Variants in FBN2 observed in about 807,000 individuals in gnomAD.
The protein encoded by FBN2 is fibrillin-2.
Under a neutral mutation model 355.6 loss-of-function variants are expected in FBN2, and 105 were observed. The ratio of observed to expected loss-of-function variants is 0.30; its 90% CI spans 0.25 to 0.35. The LOEUF is 0.35. Ranked by LOEUF, FBN2 falls within the 10% of genes least tolerant of loss-of-function variation. The pLI, the probability that FBN2 is intolerant of heterozygous loss-of-function variation, is 1.00. For synonymous variants in FBN2, 1,350 were observed against 1,301.2 expected, an observed-to-expected ratio of 1.04 and a Z score of -0.81; for missense variants, 3,280 against 3,758.7, an observed-to-expected ratio of 0.87 and a Z score of 3.33.
rs568060880 is a variant in FBN2, at chr5:128,536,376, A to G, written c.337+26T>C. On this transcript the variant is annotated intron_variant, in intron 2 of 64. Coordinates refer to ENST00000262464, the MANE Select transcript of FBN2 (RefSeq NM_001999.4). ...AGATAGGGCCGAGTGCGCTGCCCCA[A>G]GCTGCGATCCCTGCCAAGCACTCAC... 5.0e-6 allele frequency: 8 copies of G among 1,597,510 alleles called. No individual in the cohort carries two copies. The East Asian group carries it at 6.7e-5, about 13-fold the overall frequency.
intron 6 of FBN2, among the ~76,000 whole-genome samples, chr5:128,463,770 G>A (rs146602212): frequency 2.0e-5 from 3 of 152,304 alleles, no homozygotes; most frequent in Non-Finnish European, 4.4e-5. Context: ...ATCTTCACTT[G>A]TGACACAGCT....
intron 11 of FBN2, among the ~76,000 whole-genome samples, chr5:128,385,868 C>T (rs1752353947): frequency 6.6e-6 from 1 of 151,938 alleles, no homozygotes; most frequent in South Asian, 2.1e-4. Flanking sequence ...ATGTCCTTTA[C>T]CCATTATTTA....
chr5:128,287,844 A>C (rs1382150763), intron 53 of FBN2, among the ~76,000 whole-genome samples: 1 of 152,146 alleles, frequency 6.6e-6, no homozygotes, highest in Non-Finnish European at 1.5e-5. Context: ...AAGTCTGCTA[A>C]AGAAAGGGAA....
intron 8 of FBN2, among the ~76,000 whole-genome samples, chr5:128,406,521 T>C (rs763339181): frequency 2.0e-5 from 3 of 152,162 alleles, no homozygotes; most frequent in African/African-American, 4.8e-5. Flanking sequence ...TCTGAATTGC[T>C]AGCATCAATA....
At chr5:128,534,762 C>A (rs1486607171) in intron 2 of FBN2, among the ~76,000 whole-genome samples, 1 of 152,208 alleles carries the variant, frequency 6.6e-6, no homozygotes, top group Non-Finnish European at 1.5e-5. Context: ...GAAGGCTCTG[C>A]TCTCTGGAAT....
chr5:128,278,723 G>A lies in FBN2; in HGVS notation c.7257C>T (p.Gly2419=). Residue 2419 remains glycine (G), a synonymous_variant, in exon 57 of 65, where the codon GGC becomes GGT. Transcript: ENST00000262464. ...ECCCDGGRGW[G]HQCELCPLPG... is the part of the protein sequence containing the mutation. ...GAAGTGGGCAAAGCTCGCACTGGTG[G>A]CCCCAGCCTCGCCCACCATCACAGC... 6.2e-7 allele frequency: 1 copy of A among 1,614,116 alleles called. No homozygotes were observed. Among genetic ancestry groups the A allele is most frequent in the Non-Finnish European group, 8.5e-7 (1 of 1,180,004 alleles).
intron 13 of FBN2, 125 bp downstream of exon 13, chr5:128,377,627 T>G: frequency 2.0e-6 from 2 of 1,013,816 alleles, no homozygotes; most frequent in South Asian, 2.6e-5. Flanking sequence ...CATTTGCATT[T>G]TACCTAAGTT....
chr5:128,472,720 G>C (rs987050041), intron 5 of FBN2, among the ~76,000 whole-genome samples: 3 of 151,892 alleles, frequency 2.0e-5, no homozygotes, highest in Admixed American at 6.6e-5. Flanking sequence ...GAACCCGGGA[G>C]GGGGAGGTTG....
intron 19 of FBN2, 143 bp from the exon 20 acceptor site, chr5:128,357,538 G>T: frequency 1.0e-6 from 1 of 966,722 alleles, no homozygotes; most frequent in Non-Finnish European, 1.6e-6. Context: ...TAAAGTGAAT[G>T]GGGAATGGAG....
chr5:128,429,565 A>G (rs892226799), intron 7 of FBN2, among the ~76,000 whole-genome samples: 2 of 152,244 alleles, frequency 1.3e-5, no homozygotes, highest in African/African-American at 2.4e-5. Flanking sequence ...TAAAGGATCT[A>G]TACACAACGT....
At chr5:128,388,235 CT>C (rs1457829719) in intron 11 of FBN2, among the ~76,000 whole-genome samples, 2 of 152,186 alleles carry the variant, frequency 1.3e-5, no homozygotes, top group Non-Finnish European at 2.9e-5. Flanking sequence ...ATGGATGTCA[CT>C]GCATGTGAGA....
Position 128,423,933 on chromosome 5 carries a change from C to T in FBN2, c.953-15134G>A, listed in dbSNP as rs554025457. ...TATATTTAGGAAATATATTTAGACTCCACCTAAATGTCTTGATGATAAAAT... is the reference window on the plus strand; with the variant it reads ...TATATTTAGGAAATATATTTAGACTTCACCTAAATGTCTTGATGATAAAAT... On this transcript the variant is annotated intron_variant, in intron 7 of 64. Coordinates refer to ENST00000262464, the MANE Select transcript of FBN2 (RefSeq NM_001999.4). Among the ~76,000 whole-genome samples the T allele has an allele frequency of 2.6e-5, 4 of 152,172 alleles. No homozygotes were observed. In the East Asian group the frequency reaches 5.8e-4, roughly 22 times the overall value.
intron 17 of FBN2, 39 bp downstream of exon 17, chr5:128,366,338 T>C (rs780483336): frequency 9.1e-7 from 1 of 1,095,854 alleles, no homozygotes; most frequent in Non-Finnish European, 1.4e-6. Context: ...TACGATTATG[T>C]CACGTGATTA....
At chr5:128,469,865 G>C (rs1267238786) in intron 5 of FBN2, among the ~76,000 whole-genome samples, 1 of 152,170 alleles carries the variant, frequency 6.6e-6, no homozygotes, top group African/African-American at 2.4e-5. Context: ...CAGGATTTTA[G>C]GTTCATTTTT....
intron 5 of FBN2, among the ~76,000 whole-genome samples, chr5:128,473,132 C>A (rs964864190): frequency 6.6e-6 from 1 of 152,150 alleles, no homozygotes; most frequent in Non-Finnish European, 1.5e-5. Flanking sequence ...TAATCTAATT[C>A]CTGGCACTGG....
chr5:128,402,643 A>G (rs1467889738), intron 8 of FBN2, among the ~76,000 whole-genome samples: 3 of 152,226 alleles, frequency 2.0e-5, no homozygotes, highest in Admixed American at 2.0e-4. Flanking sequence ...AGGTTTGCTC[A>G]TTAAGAAATG....
intron 6 of FBN2, among the ~76,000 whole-genome samples, chr5:128,450,120 A>C (rs1278699913): frequency 6.6e-6 from 1 of 152,128 alleles, no homozygotes; most frequent in Non-Finnish European, 1.5e-5. Flanking sequence ...CTTAACTAAA[A>C]GAATAAGTAG....
intron 5 of FBN2, among the ~76,000 whole-genome samples, chr5:128,487,363 C>T (rs184587697): frequency 2.6e-5 from 4 of 152,086 alleles, no homozygotes; most frequent in Non-Finnish European, 4.4e-5. Context: ...GAGATTTTTA[C>T]GGTTGGTTGT....
chr5:128,305,498 G>A lies in FBN2; in HGVS notation c.5674+13C>T. On this transcript the variant is annotated intron_variant, in intron 44 of 64. Coordinates refer to ENST00000262464, the MANE Select transcript of FBN2 (RefSeq NM_001999.4). Reference sequence around the variant, plus strand: ...GTGCTCAGTGCCAAAGAATGAGTCAGCCTCTTTCTTACCTACACAGGCCCC... The same window carrying A: ...GTGCTCAGTGCCAAAGAATGAGTCAACCTCTTTCTTACCTACACAGGCCCC... 2 of 1,613,866 alleles carry A rather than the reference G, an allele frequency of 1.2e-6. No homozygotes were observed. The highest frequency in any genetic ancestry group is 1.7e-6 in the Non-Finnish European group (2 of 1,179,838).
Sources: gnomAD v4.1 joint callset for allele counts (sites outside exome capture counted in the v4.1 genomes callset) on GRCh38, gnomAD v4.1.1 for gene constraint, MANE v1.5 for transcripts, NCBI Gene and HGNC (gene_info 2026-07-23, HGNC 2026-07-21) for gene names.